The following KCNC2 variants were observed in gnomAD, a reference collection of about 807,000 sequenced individuals.
The protein encoded by KCNC2 is potassium voltage-gated channel subfamily C member 2.
KCNC2 carries 21 observed loss-of-function variants against 44.5 expected under a neutral mutation model. That is an observed-to-expected ratio of 0.47 (90% confidence interval 0.33 to 0.68). The LOEUF (loss-of-function observed/expected upper bound fraction) is 0.68, where lower values mean the gene tolerates loss of function less well. Ranked by LOEUF, KCNC2 falls within the 30% of genes least tolerant of loss-of-function variation. The probability of loss-of-function intolerance (pLI) is 0.01; values close to 1 mark genes in which losing one functional copy is unlikely to be tolerated. For missense variants in KCNC2, 589 were observed against 826.2 expected (o/e 0.71, Z 3.52); for synonymous variants, 391 against 339.1 (o/e 1.15, Z -1.68).
chr12:75,169,293 T>C (rs927443203), intron 2 of KCNC2, among the ~76,000 whole-genome samples: 3 of 151,574 alleles, frequency 2.0e-5, no homozygotes, highest in African/African-American at 7.3e-5. Flanking sequence ...TTTGAATCAT[T>C]GACTATCACA....
Position 75,041,569 on chromosome 12 carries a change from A to C in KCNC2, c.*1536T>G. The C allele has an allele frequency of 9.2e-7, 1 of 1,089,696 alleles. No homozygotes were observed. The highest frequency in any genetic ancestry group is 1.1e-6 in the Non-Finnish European group (1 of 890,100). 67.5% of individuals were successfully genotyped at this position (1,089,696 alleles called of 1,614,324 possible). On this transcript the variant is annotated 3_prime_UTR_variant, in exon 5 of 5. Transcript: ENST00000549446. ...GGTCTTTTTCTTCCCTCACATGCTC[A>C]ATACATGAGACACGCTATTGCTGTT...
In KCNC2 at chr12:75,077,014, A is replaced by C. The variant is rs181964970; in HGVS notation, c.688-25697T>G. ...AAAAAATCTTATTGTGTGTATTTCC[A>C]GTTTAAAACATTATGTTATGGGATT... On this transcript the variant is annotated intron_variant, in intron 2 of 4. Coordinates refer to ENST00000549446, the MANE Select transcript of KCNC2 (RefSeq NM_139137.4). 6.6e-3 allele frequency among the ~76,000 whole-genome samples: 1,011 copies of C among 152,294 alleles called. 9 individuals carry two copies. Among genetic ancestry groups the C allele is most frequent in the Middle Eastern group, 0.017 (5 of 294 alleles).
chr12:75,119,877 A>C (rs1887932182), intron 2 of KCNC2, among the ~76,000 whole-genome samples: 1 of 152,244 alleles, frequency 6.6e-6, no homozygotes, highest in African/African-American at 2.4e-5. Flanking sequence ...GTAGTTTAAG[A>C]AACAGATGAC....
intron 2 of KCNC2, among the ~76,000 whole-genome samples, chr12:75,117,473 A>G (rs186124488): frequency 1.5e-4 from 23 of 152,328 alleles, no homozygotes; most frequent in Middle Eastern, 6.8e-3. Flanking sequence ...GAAGAGTCCA[A>G]TAAATGGCTT....
intron 2 of KCNC2, among the ~76,000 whole-genome samples, chr12:75,188,267 A>G (rs1181371228): frequency 6.6e-6 from 1 of 152,218 alleles, no homozygotes; most frequent in Non-Finnish European, 1.5e-5. Context: ...CCATAAATAC[A>G]TATAGTTGGA....
intron 2 of KCNC2, among the ~76,000 whole-genome samples, chr12:75,167,755 C>T (rs1398857088): frequency 6.6e-6 from 1 of 151,186 alleles, no homozygotes; most frequent in Non-Finnish European, 1.5e-5. Flanking sequence ...AATCTTAATT[C>T]AACCCAATAA....
intron 2 of KCNC2, among the ~76,000 whole-genome samples, chr12:75,086,541 C>T (rs1259124980): frequency 6.6e-6 from 1 of 151,304 alleles, no homozygotes; most frequent in African/African-American, 2.4e-5. Context: ...TCTCAACCTA[C>T]ATTTGGTCAT....
chr12:75,073,408 T>A (rs1483099315), intron 2 of KCNC2, among the ~76,000 whole-genome samples: 2 of 152,172 alleles, frequency 1.3e-5, no homozygotes, highest in Non-Finnish European at 2.9e-5. Context: ...GTTTTCTTTG[T>A]AATTTTGTAT....
chr12:75,158,395 G>A (rs754603291), intron 2 of KCNC2, among the ~76,000 whole-genome samples: 5 of 151,694 alleles, frequency 3.3e-5, no homozygotes, highest in Middle Eastern at 3.4e-3. Context: ...TAAATTCCTG[G>A]AGATTATATT....
At chr12:75,167,569 T>C (rs1263461297) in intron 2 of KCNC2, among the ~76,000 whole-genome samples, 2 of 151,260 alleles carry the variant, frequency 1.3e-5, no homozygotes, top group Non-Finnish European at 3.0e-5. Context: ...AATTTAATGT[T>C]TATAAAATCC....
chr12:75,093,833 G>A (rs947231933), intron 2 of KCNC2, among the ~76,000 whole-genome samples: 3 of 151,664 alleles, frequency 2.0e-5, no homozygotes, highest in African/African-American at 7.2e-5. Context: ...CTACTGACCA[G>A]CAAGAAAACT....
intron 2 of KCNC2, among the ~76,000 whole-genome samples, chr12:75,156,666 C>A (rs1039240541): frequency 2.0e-5 from 3 of 151,816 alleles, no homozygotes; most frequent in Non-Finnish European, 2.9e-5. Context: ...AAACAATAAA[C>A]TATCTAAAGC....
At chr12:75,149,575 C>G (rs987995243) in intron 2 of KCNC2, among the ~76,000 whole-genome samples, 25 of 151,796 alleles carry the variant, frequency 1.6e-4, no homozygotes, top group African/African-American at 2.4e-4. Flanking sequence ...TGTCTGTCCA[C>G]AAACATTTTA....
chr12:75,050,838 C>T lies in KCNC2; in HGVS notation c.1167G>A (p.Leu389=), dbSNP rs139012036. 3.0e-5 allele frequency: 49 copies of T among 1,613,344 alleles called. No homozygotes were observed. The African/African-American group carries it at 4.7e-4, about 15-fold the overall frequency. ...TAGCAAATATCAAAACTCCTAGAGC[C>T]AGGAAAATTATCAGCAGCAAAAATT... ...TNEFLLLIIF[L]ALGVLIFATM... Residue 389 remains leucine (L), a synonymous_variant, in exon 3 of 5, where the codon CTG becomes CTA. Coordinates refer to ENST00000549446, the MANE Select transcript of KCNC2 (RefSeq NM_139137.4).
chr12:75,099,911 C>A (rs1886239135), intron 2 of KCNC2, among the ~76,000 whole-genome samples: 1 of 151,986 alleles, frequency 6.6e-6, no homozygotes, highest in African/African-American at 2.4e-5. Context: ...ACTAGACAGG[C>A]CTTCATTTTT....
At chr12:75,098,220 G>A (rs1312935016) in intron 2 of KCNC2, among the ~76,000 whole-genome samples, 1 of 152,120 alleles carries the variant, frequency 6.6e-6, no homozygotes, top group Non-Finnish European at 1.5e-5. Flanking sequence ...TAATAGAAGA[G>A]AAGTTTGCTT....
intron 2 of KCNC2, among the ~76,000 whole-genome samples, chr12:75,190,180 A>G (rs1036722696): frequency 6.6e-6 from 1 of 152,152 alleles, no homozygotes; most frequent in Non-Finnish European, 1.5e-5. Context: ...TACAACTACT[A>G]TGTTGTAGGG....
At chr12:75,085,203 C>A (rs910977704) in intron 2 of KCNC2, among the ~76,000 whole-genome samples, 9 of 152,030 alleles carry the variant, frequency 5.9e-5, no homozygotes, top group Non-Finnish European at 1.2e-4. Context: ...AATTGTATTT[C>A]ATGTCTAAAT....
chr12:75,122,763 T>C (rs1888133927), intron 2 of KCNC2, among the ~76,000 whole-genome samples: 1 of 152,066 alleles, frequency 6.6e-6, no homozygotes. Context: ...AGGCTGTATA[T>C]TGAAACATCA....
Sources: allele counts gnomAD v4.1 joint callset (sites outside exome capture counted in the v4.1 genomes callset), GRCh38; gene constraint gnomAD v4.1.1; transcripts MANE v1.5; gene names NCBI Gene and HGNC (gene_info 2026-07-23, HGNC 2026-07-21).